Variants in TMEM19 observed in about 807,000 individuals in gnomAD.
TMEM19 encodes the protein transmembrane protein 19.
TMEM19 carries 21 observed loss-of-function variants against 33.6 expected under a neutral mutation model. That is an observed-to-expected ratio of 0.62 (90% CI 0.44 to 0.90). The LOEUF (loss-of-function observed/expected upper bound fraction) is 0.90. Ranked by LOEUF, TMEM19 falls within the 40% of genes least tolerant of loss-of-function variation. The pLI is 0.00. For synonymous variants in TMEM19, 149 were observed against 147.5 expected (o/e 1.01, Z -0.07); for missense variants, 402 against 401.8 (o/e 1.00, Z 0.00).
intron 2 of TMEM19, among the ~76,000 whole-genome samples, chr12:71,695,711 C>T (rs894933606): frequency 2.0e-5 from 3 of 152,002 alleles, no homozygotes; most frequent in Non-Finnish European, 2.9e-5. Context: ...TACAGCAAGC[C>T]GGTAAAGTCA....
chr12:71,699,289 G>T, intron 5 of TMEM19, 180 bp downstream of exon 5: 1 of 646,940 alleles, frequency 1.5e-6, no homozygotes, highest in East Asian at 2.7e-5. Context: ...TAAATTAATT[G>T]AAAGAGAATT....
At chr12:71,698,610 AGAGAGAGAGAGAGAGAGAGAG>A (rs1489986154) in intron 4 of TMEM19, among the ~76,000 whole-genome samples, 8 of 47,626 alleles carry the variant, frequency 1.7e-4, no homozygotes, top group Admixed American at 5.5e-4. Flanking sequence ...CTCTGAAAAG[AGAGAGAGAGAGAGAGAGAGAG>A]AGAGAGAGAG....
At chr12:71,690,793 C>G (rs1004138520) in intron 2 of TMEM19, among the ~76,000 whole-genome samples, 6 of 152,104 alleles carry the variant, frequency 3.9e-5, no homozygotes, top group Admixed American at 3.9e-4. Flanking sequence ...GACAGAATAA[C>G]AAGTGCAAAA....
chr12:71,695,975 A>G (rs1199229462), intron 2 of TMEM19, among the ~76,000 whole-genome samples: 1 of 151,972 alleles, frequency 6.6e-6, no homozygotes, highest in Non-Finnish European at 1.5e-5. Flanking sequence ...TAACTATCTC[A>G]TTGGTTATGA....
rs1881694216 is a variant in TMEM19 at position 71,686,655 on chromosome 12, C to T, written c.-26C>T. The stretch of plus-strand genomic sequence containing the variant: ...CTCCGAAACGCTAAATATTCTTTCC[C>T]GCAGGAGCTCATATCCTTATTTTCC... On this transcript the variant is annotated 5_prime_UTR_variant, in exon 1 of 6. Coordinates refer to ENST00000266673, the MANE Select transcript of TMEM19 (RefSeq NM_018279.4). 1.2e-6 allele frequency: 2 copies of T among 1,607,928 alleles called. No homozygotes were observed. Among genetic ancestry groups the T allele is most frequent in the Admixed American group, 1.7e-5 (1 of 59,284 alleles).
At chr12:71,698,856 T>A (rs375156115) in intron 4 of TMEM19, 44 bp from the exon 5 acceptor site, 6 of 1,586,018 alleles carry the variant, frequency 3.8e-6, no homozygotes, top group Non-Finnish European at 4.3e-6. Context: ...TTTATGTGTT[T>A]GCTGATTATT....
rs751959669 is a variant in TMEM19, at chr12:71,698,951, G to A, written c.689G>A (p.Gly230Asp). The change falls in exon 5 of 6, where the codon GGT (glycine) becomes GAT (aspartate). Residue 230 changes from glycine (G) to aspartate (D), a missense_variant. By Grantham distance (94) the Gly-to-Asp change is moderately conservative. Transcript: ENST00000266673. ...GGCCTTGTCTCCAGTCTCCTTGGTG[G>A]TACCTTTGTGGGCATTGCATACTTC... ...VVGLVSSLLG[G>D]TFVGIAYFLT... The A allele has an allele frequency of 5.0e-6, 8 of 1,613,990 alleles. No individual in the cohort carries two copies. The highest frequency in any genetic ancestry group is 1.6e-4 in the Middle Eastern group (1 of 6,084).
chr12:71,698,806 A>C (rs1881925718), intron 4 of TMEM19, 94 bp from the exon 5 acceptor site: 1 of 1,092,706 alleles, frequency 9.2e-7, no homozygotes, highest in African/African-American at 1.6e-5. Context: ...TGCTTTCTTT[A>C]AATTAGTCTT....
At chr12:71,693,931 A>T (rs1592620281) in intron 2 of TMEM19, among the ~76,000 whole-genome samples, 1 of 152,196 alleles carries the variant, frequency 6.6e-6, no homozygotes, top group East Asian at 1.9e-4. Flanking sequence ...GCCATGTGGA[A>T]CTGTGAGCCA....
In TMEM19 at chr12:71,696,640, T is replaced by G. The variant is rs189313319; in HGVS notation, c.382+67T>G. The G allele has an allele frequency of 1.4e-4, 186 of 1,364,348 alleles. No individual in the cohort carries two copies. In the African/African-American group the frequency reaches 2.5e-3, roughly 18 times the overall value. 84.5% of individuals were successfully genotyped at this position (1,364,348 alleles called of 1,614,324 possible). On this transcript the variant is annotated intron_variant, in intron 3 of 5. Coordinates refer to ENST00000266673, the MANE Select transcript of TMEM19 (RefSeq NM_018279.4). ...TTAATCCTAACATAAGGTTTTTTTT[T>G]GTTTTTGTTTTTGTTTTTTTTTTTG...
chr12:71,700,893 A>C lies in TMEM19; in HGVS notation c.909A>C (p.Ala303=). The C allele has an allele frequency of 1.2e-6, 2 of 1,613,872 alleles. No individual in the cohort carries two copies. The highest frequency in any genetic ancestry group is 1.7e-6 in the Non-Finnish European group (2 of 1,179,854). ...CAACAAATAAGGCAAGGCACATAGCAGGGAAACCCATTCTTGATAACAACG... is the reference window on the plus strand; with the variant it reads ...CAACAAATAAGGCAAGGCACATAGCCGGGAAACCCATTCTTGATAACAACG... ...NSPTNKARHI[A]GKPILDNNAV... Residue 303 remains alanine (A), a synonymous_variant, in exon 6 of 6, where the codon GCA becomes GCC. Coordinates refer to ENST00000266673, the MANE Select transcript of TMEM19 (RefSeq NM_018279.4).
chr12:71,697,211 C>A, intron 3 of TMEM19, 69 bp from the exon 4 acceptor site: 1 of 1,537,968 alleles, frequency 6.5e-7, no homozygotes, highest in Non-Finnish European at 8.7e-7. Flanking sequence ...AACATAAACA[C>A]CTATAACTGC....
intron 1 of TMEM19, among the ~76,000 whole-genome samples, chr12:71,689,063 C>CTATT (rs1881740054): frequency 6.6e-6 from 1 of 152,220 alleles, no homozygotes; most frequent in East Asian, 1.9e-4. Flanking sequence ...TGGACATAAC[C>CTATT]TATTTGGCCA....
chr12:71,696,653 G>GTTT, intron 3 of TMEM19, 80 bp downstream of exon 3: 52 of 1,068,872 alleles, frequency 4.9e-5, no homozygotes, highest in Admixed American at 1.0e-4. Context: ...TTTTGTTTTT[G>GTTT]TTTTTTTTTT....
chr12:71,689,673 GA>G lies in TMEM19; in HGVS notation c.217del (p.Ser73ValfsTer2), dbSNP rs1881751672. The G allele has an allele frequency of 6.2e-7, 1 of 1,613,888 alleles. No individual in the cohort carries two copies. The highest frequency in any genetic ancestry group is 1.7e-5 in the Admixed American group (1 of 59,994). Reference sequence around the variant, plus strand: ...TGATCGTCTCTAATGGCCTTAAAAAGAAAAGTCTAGATCACAGTGGGGCTCT... The same window carrying G: ...TGATCGTCTCTAATGGCCTTAAAAAGAAAGTCTAGATCACAGTGGGGCTCT... ...VLIVSNGLKK[K>X]SLDHSGALGG... On this transcript the variant is annotated frameshift_variant, in exon 2 of 6. Coordinates refer to ENST00000266673, the MANE Select transcript of TMEM19 (RefSeq NM_018279.4). LOFTEE classifies it high-confidence loss of function.
rs956555948 is a variant in TMEM19 at position 71,686,519 on chromosome 12, C to T, written c.-162C>T. On this transcript the variant is annotated 5_prime_UTR_variant, in exon 1 of 6. Transcript: ENST00000266673. ...GGAGCTCTCCGCCAGTAGGAGTTTCCGGAAGGAGTTTGAATTTTTGTGATT... is the reference window on the plus strand; with the variant it reads ...GGAGCTCTCCGCCAGTAGGAGTTTCTGGAAGGAGTTTGAATTTTTGTGATT... 2 of 720,026 alleles carry T rather than the reference C, an allele frequency of 2.8e-6. No individual in the cohort carries two copies. The highest frequency in any genetic ancestry group is 2.2e-6 in the Non-Finnish European group (1 of 459,352). The allele number at this position is 720,026 out of a possible 1,614,324, so 44.6% of individuals were successfully genotyped here. A position where few individuals can be genotyped will look rare whatever the true frequency, so the allele number is the denominator to read the frequency against.
chr12:71,699,024 G>A lies in TMEM19; in HGVS notation c.762G>A (p.Gln254=). Residue 254 remains glutamine (Q), a synonymous_variant, in exon 5 of 6, where the codon CAG becomes CAA. Transcript: ENST00000266673. ...FVNDLDISAP[Q]WPIIAFGGLA... is the part of the protein sequence containing the mutation. Reference sequence around the variant, plus strand: ...ATGATTTAGACATTTCTGCCCCGCAGTGGCCAATTATTGCATTTGGTGGTT... The same window carrying A: ...ATGATTTAGACATTTCTGCCCCGCAATGGCCAATTATTGCATTTGGTGGTT... 2.5e-6 allele frequency: 4 copies of A among 1,614,204 alleles called. No individual in the cohort carries two copies. Among genetic ancestry groups the A allele is most frequent in the Non-Finnish European group, 3.4e-6 (4 of 1,180,040 alleles).
chr12:71,686,695 C>A lies in TMEM19; in HGVS notation c.15C>A (p.Asn5Lys). The change falls in exon 1 of 6, where the codon AAC (asparagine) becomes AAA (lysine). Residue 5 changes from asparagine (N) to lysine (K), a missense_variant. Coordinates refer to ENST00000266673, the MANE Select transcript of TMEM19 (RefSeq NM_018279.4). The stretch of plus-strand genomic sequence containing the variant: ...CCTTATTTTCCATGACAGATCTTAA[C>A]GACAATATATGCAAAAGATATATAA... MTDL[N>K]DNICKRYIKM... The A allele has an allele frequency of 1.9e-6, 3 of 1,610,362 alleles. No individual in the cohort carries two copies. Among genetic ancestry groups the A allele is most frequent in the Non-Finnish European group, 2.5e-6 (3 of 1,179,150 alleles).
intron 2 of TMEM19, among the ~76,000 whole-genome samples, chr12:71,695,192 C>T (rs1454226256): frequency 6.6e-6 from 1 of 152,208 alleles, no homozygotes; most frequent in African/African-American, 2.4e-5. Flanking sequence ...GCGATCTTTA[C>T]ACTGCATGAA....
Sources: allele counts gnomAD v4.1 joint callset (sites outside exome capture counted in the v4.1 genomes callset), GRCh38; gene constraint gnomAD v4.1.1; transcripts MANE v1.5; gene names NCBI Gene and HGNC (gene_info 2026-07-23, HGNC 2026-07-21).